UGT3A2: variants seen among roughly 807,000 people sequenced by gnomAD.
UGT3A2 encodes the protein UDP glycosyltransferase family 3 member A2, also known as UDP-glycosyltransferase 3A2.
Under a neutral mutation model 39.8 loss-of-function variants are expected in UGT3A2, and 32 were observed. The ratio of observed to expected loss-of-function variants is 0.80; its 90% CI spans 0.61 to 1.08. UGT3A2 has a LOEUF of 1.08. Ranked by LOEUF, UGT3A2 falls within the 50% of genes least tolerant of loss-of-function variation. UGT3A2 has a pLI of 0.00. For synonymous variants in UGT3A2, 241 were observed against 230.7 expected (o/e 1.04, Z -0.40); for missense variants, 611 against 637.1 (o/e 0.96, Z 0.44).
At chr5:36,053,049 T>C (rs1342949947) in intron 2 of UGT3A2, among the ~76,000 whole-genome samples, 1 of 152,238 alleles carries the variant, frequency 6.6e-6, no homozygotes, top group Non-Finnish European at 1.5e-5. Flanking sequence ...ACTCATAGTA[T>C]ACTTCAACAG....
At chr5:36,050,611 C>G (rs367730235) in intron 3 of UGT3A2, among the ~76,000 whole-genome samples, 16 of 152,104 alleles carry the variant, frequency 1.1e-4, no homozygotes, top group East Asian at 7.7e-4. Context: ...CGCCTGTATC[C>G]CAGCACTTTG....
At chr5:36,066,579 G>T in intron 1 of UGT3A2, 117 bp downstream of exon 1, 2 of 1,559,830 alleles carry the variant, frequency 1.3e-6, no homozygotes, top group Non-Finnish European at 1.8e-6. Context: ...AGCCGGGTCC[G>T]CAAGCCCAGC....
rs59471035 is a variant in UGT3A2 at position 36,066,854 on chromosome 5, C to A, written c.-65G>T. Reference sequence around the variant, plus strand: ...CGCGCCCTGCGCCCGGCTAAGGGACCCTGTGCACCTCAGTGCGCCAAAGGC... The same window carrying A: ...CGCGCCCTGCGCCCGGCTAAGGGACACTGTGCACCTCAGTGCGCCAAAGGC... On this transcript the variant is annotated 5_prime_UTR_variant, in exon 1 of 7. Transcript: ENST00000282507. 3.0e-4 allele frequency: 470 copies of A among 1,592,126 alleles called. No individual in the cohort carries two copies. In the African/African-American group the frequency reaches 4.7e-3, roughly 16 times the overall value.
intron 4 of UGT3A2, among the ~76,000 whole-genome samples, chr5:36,041,360 C>G (rs943396434): frequency 6.6e-6 from 1 of 152,194 alleles, no homozygotes; most frequent in African/African-American, 2.4e-5. Context: ...CACCTGTTGA[C>G]TAAAGAGCTC....
rs569730412 is a variant in UGT3A2, at chr5:36,039,314, G to A, written c.1075+163C>T. 5.5e-4 allele frequency among the ~76,000 whole-genome samples: 84 copies of A among 152,316 alleles called. 2 individuals carry two copies. In the South Asian group the frequency reaches 0.013, roughly 24 times the overall value. On this transcript the variant is annotated intron_variant, in intron 5 of 6. Coordinates refer to ENST00000282507, the MANE Select transcript of UGT3A2 (RefSeq NM_174914.4). ...GGCATCTGATCCCATTGGAAGTATA[G>A]CCTGGTTTCCCAAGAACTCCAGCTG...
In UGT3A2 at chr5:36,037,788, G is replaced by A; in HGVS notation, c.1295+9C>T. 2 of 1,614,076 alleles carry A rather than the reference G, an allele frequency of 1.2e-6. No homozygotes were observed. The highest frequency in any genetic ancestry group is 1.7e-6 in the Non-Finnish European group (2 of 1,179,966). On this transcript the variant is annotated intron_variant, in intron 6 of 6. Transcript: ENST00000282507. ...GTCATTATGACCACAACCCCAAGGA[G>A]CTGCATACCTCTTGTCTTCCATGAT...
intron 2 of UGT3A2, among the ~76,000 whole-genome samples, chr5:36,060,586 G>A (rs1742661322): frequency 1.3e-5 from 2 of 152,256 alleles, no homozygotes; most frequent in South Asian, 4.2e-4. Context: ...ACTAGAAGCG[G>A]GGAGCTCTTT....
In UGT3A2 at chr5:36,057,848, C is replaced by T. The variant is rs539999832; in HGVS notation, c.197-5864G>A. ...AGCCACTATACCCAGCCAGTAGTTT[C>T]TCAAAGTTTATTGGAAATGTCATCA... On this transcript the variant is annotated intron_variant, in intron 2 of 6. Coordinates refer to ENST00000282507, the MANE Select transcript of UGT3A2 (RefSeq NM_174914.4). Among the ~76,000 whole-genome samples the T allele has an allele frequency of 3.5e-4, 53 of 152,194 alleles. No homozygotes were observed. The South Asian group carries it at 8.9e-3, about 26-fold the overall frequency.
At chr5:36,051,502 G>A (rs1446329937) in intron 3 of UGT3A2, among the ~76,000 whole-genome samples, 1 of 152,212 alleles carries the variant, frequency 6.6e-6, no homozygotes, top group African/African-American at 2.4e-5. Flanking sequence ...AAGTTGAGGA[G>A]CCTATCCCAA....
intron 4 of UGT3A2, among the ~76,000 whole-genome samples, chr5:36,042,959 G>A (rs1012321175): frequency 4.6e-5 from 7 of 152,148 alleles, no homozygotes; most frequent in African/African-American, 1.4e-4. Context: ...AACACTTTCA[G>A]CATTGGACGC....
rs770962532 is a variant in UGT3A2, at chr5:36,035,695, G to A, written c.*3C>T. 2 of 1,613,748 alleles carry A rather than the reference G, an allele frequency of 1.2e-6. No homozygotes were observed. Among genetic ancestry groups the A allele is most frequent in the Non-Finnish European group, 1.7e-6 (2 of 1,179,742 alleles). On this transcript the variant is annotated 3_prime_UTR_variant, in exon 7 of 7. Coordinates refer to ENST00000282507, the MANE Select transcript of UGT3A2 (RefSeq NM_174914.4). ...ACAGACCCCGCCAAGGCTGCACCTG[G>A]CCTTATGTCTCCTTCACCTTTCTGG...
At chr5:36,058,222 A>T (rs1316304885) in intron 2 of UGT3A2, among the ~76,000 whole-genome samples, 2 of 152,262 alleles carry the variant, frequency 1.3e-5, no homozygotes, top group Non-Finnish European at 2.9e-5. Context: ...ACACATGCTA[A>T]ATATGAATGA....
intron 4 of UGT3A2, among the ~76,000 whole-genome samples, chr5:36,044,730 A>G (rs1742114787): frequency 6.9e-6 from 1 of 144,852 alleles, no homozygotes; most frequent in South Asian, 2.2e-4. Flanking sequence ...TTACATTTAC[A>G]ATGCCCACAA....
At chr5:36,038,111 T>C in intron 5 of UGT3A2, 95 bp from the exon 6 acceptor site, 1 of 1,293,602 alleles carries the variant, frequency 7.7e-7, no homozygotes, top group Non-Finnish European at 1.1e-6. Flanking sequence ...CAAGGGGATC[T>C]AGTGGTGTGT....
intron 3 of UGT3A2, among the ~76,000 whole-genome samples, chr5:36,050,449 C>T (rs1742306883): frequency 6.6e-6 from 1 of 152,208 alleles, no homozygotes; most frequent in African/African-American, 2.4e-5. Flanking sequence ...GTAACCTGTA[C>T]ATTGCCCTCC....
At chr5:36,051,838 C>G in intron 3 of UGT3A2, 32 bp downstream of exon 3, 1 of 1,493,030 alleles carries the variant, frequency 6.7e-7, no homozygotes. Context: ...AAAATGGTGA[C>G]CTTTTTGTTC....
rs201480832 is a variant in UGT3A2, at chr5:36,066,794, A to C, written c.-5T>G. ...AAGCACTCGCTGCCCAGCCATGCTCACTTCTACGGAAGCCGCGGATCTCAG... is the reference window on the plus strand; with the variant it reads ...AAGCACTCGCTGCCCAGCCATGCTCCCTTCTACGGAAGCCGCGGATCTCAG... On this transcript the variant is annotated 5_prime_UTR_variant, in exon 1 of 7. Coordinates refer to ENST00000282507, the MANE Select transcript of UGT3A2 (RefSeq NM_174914.4). The C allele has an allele frequency of 6.2e-7, 1 of 1,614,176 alleles. No individual in the cohort carries two copies.
intron 1 of UGT3A2, among the ~76,000 whole-genome samples, chr5:36,066,316 C>T (rs959416329): frequency 2.0e-5 from 3 of 152,172 alleles, no homozygotes; most frequent in Admixed American, 6.5e-5. Context: ...AGCTACTGTG[C>T]ACCCACACAC....
intron 6 of UGT3A2, among the ~76,000 whole-genome samples, chr5:36,036,870 A>G (rs1009079080): frequency 6.6e-6 from 1 of 152,152 alleles, no homozygotes; most frequent in Non-Finnish European, 1.5e-5. Context: ...CTTTTTACTT[A>G]TTACATGAGG....
Sources: gnomAD v4.1 joint callset for allele counts (sites outside exome capture counted in the v4.1 genomes callset) on GRCh38, gnomAD v4.1.1 for gene constraint, MANE v1.5 for transcripts, NCBI Gene and HGNC (gene_info 2026-07-23, HGNC 2026-07-21) for gene names.